Variants in RGS7BP observed in about 807,000 individuals in gnomAD.
RGS7BP encodes regulator of G protein signaling 7-binding protein.
In RGS7BP, 9 loss-of-function variants were observed where a neutral mutation model predicts 31.3. The ratio of observed to expected loss-of-function variants is 0.29; its 90% CI spans 0.17 to 0.50. RGS7BP has a LOEUF of 0.50. Ranked by LOEUF, RGS7BP falls within the 20% of genes least tolerant of loss-of-function variation. RGS7BP has a pLI of 0.98. For synonymous variants in RGS7BP, 115 were observed against 120.1 expected (o/e 0.96, Z 0.28); for missense variants, 274 against 322.0 (o/e 0.85, Z 1.14).
chr5:64,506,564 ACCGGGCCGCCCGCG>A lies in RGS7BP; in HGVS notation c.-55_-42del. The A allele has an allele frequency of 6.7e-7, 1 of 1,502,748 alleles. No homozygotes were observed. Among genetic ancestry groups the A allele is most frequent in the Non-Finnish European group, 9.0e-7 (1 of 1,107,506 alleles). The allele number at this position is 1,502,748 out of a possible 1,614,324, so 93.1% of individuals were successfully genotyped here. A position where few individuals can be genotyped will look rare whatever the true frequency, so the allele number is the denominator to read the frequency against. ...CTTGGCGGCGGCGCCCAGGGCAACA[ACCGGGCCGCCCGCG>A]CCGGGGCGCACTGCACCAGCGGCTT... On this transcript the variant is annotated 5_prime_UTR_variant, in exon 1 of 6. Coordinates refer to ENST00000334025, the MANE Select transcript of RGS7BP (RefSeq NM_001029875.3). This position sits in a 1 kb window ranked among gnomAD's most constrained non-coding sequence, Gnocchi z 4.6.
chr5:64,533,522 T>TG (rs1438347500), intron 2 of RGS7BP, among the ~76,000 whole-genome samples: 1 of 152,160 alleles, frequency 6.6e-6, no homozygotes, highest in Non-Finnish European at 1.5e-5. Flanking sequence ...TGGGACCACC[T>TG]GGGGGGTGGG....
intron 5 of RGS7BP, among the ~76,000 whole-genome samples, chr5:64,599,858 G>A (rs1033735122): frequency 6.6e-6 from 1 of 152,176 alleles, no homozygotes; most frequent in South Asian, 2.1e-4. Flanking sequence ...CCCTGCAAAG[G>A]GGATAATAGT....
rs978101473 is a variant in RGS7BP at position 64,507,828 on chromosome 5, G to A, written c.283G>A (p.Gly95Ser). 8 of 1,613,890 alleles carry A rather than the reference G, an allele frequency of 5.0e-6. No individual in the cohort carries two copies. Among genetic ancestry groups the A allele is most frequent in the Middle Eastern group, 1.6e-4 (1 of 6,082 alleles). The change falls in exon 2 of 6, where the codon GGC (glycine) becomes AGC (serine). Residue 95 changes from glycine (G) to serine (S), a missense_variant. Physicochemically the swap from Gly to Ser is moderately conservative, Grantham distance 56. Around this residue, in one of 3 missense-constraint regions of RGS7BP, gnomAD observed 149 missense variants for 152.6 expected, o/e 0.98. Transcript: ENST00000334025. ...GGAAATGCACAAGACAAGAACCAAA[G>A]GCTGTGAAATGGCCCGTCAGGCACA... is the stretch of plus-strand genomic sequence containing the variant. The part of the protein sequence containing the change: ...RAEMHKTRTK[G>S]CEMARQAHQK...
chr5:64,605,710 C>T lies in RGS7BP; in HGVS notation c.683-3451C>T, dbSNP rs115203845. 2.3e-3 allele frequency among the ~76,000 whole-genome samples: 352 copies of T among 152,068 alleles called. 2 individuals are homozygous for T. Among genetic ancestry groups the T allele is most frequent in the African/African-American group, 7.4e-3 (306 of 41,500 alleles). ...AGCTCTAAGCAAGGCAAAGGTCTCA[C>T]AAATGTGCAGCAAAGATGCCCCAAA... On this transcript the variant is annotated intron_variant, in intron 5 of 5. Transcript: ENST00000334025.
Position 64,575,711 on chromosome 5 carries a change from A to G in RGS7BP, c.333-63A>G. On this transcript the variant is annotated intron_variant, in intron 2 of 5. Transcript: ENST00000334025. Reference sequence around the variant, plus strand: ...AGCATTTTTCCCTCTCGGAGCTGAGACAAATGGCTGATGAGTGAAATCTTG... The same window carrying G: ...AGCATTTTTCCCTCTCGGAGCTGAGGCAAATGGCTGATGAGTGAAATCTTG... The G allele has an allele frequency of 2.6e-6, 4 of 1,543,912 alleles. No individual in the cohort carries two copies. In the South Asian group the frequency reaches 5.1e-5, roughly 20 times the overall value.
chr5:64,588,414 A>G (rs948839390), intron 3 of RGS7BP, among the ~76,000 whole-genome samples: 10 of 152,192 alleles, frequency 6.6e-5, no homozygotes, highest in African/African-American at 2.2e-4. Context: ...TCTTCAGCAA[A>G]GGGCAGACAT....
At chr5:64,538,615 G>A (rs1741447288) in intron 2 of RGS7BP, among the ~76,000 whole-genome samples, 2 of 120,996 alleles carry the variant, frequency 1.7e-5, no homozygotes, top group Admixed American at 2.1e-4. Flanking sequence ...GGAGTGCAGT[G>A]GCACGATCTC....
intron 3 of RGS7BP, among the ~76,000 whole-genome samples, chr5:64,578,202 A>G (rs559247968): frequency 1.3e-5 from 2 of 152,308 alleles, no homozygotes; most frequent in South Asian, 4.1e-4. Context: ...CTTCACTGTC[A>G]GTTTCTGCTC....
chr5:64,559,629 T>C (rs558003618), intron 2 of RGS7BP, among the ~76,000 whole-genome samples: 12 of 151,726 alleles, frequency 7.9e-5, no homozygotes, highest in South Asian at 2.1e-4. Context: ...CCAGGAATAA[T>C]GGAAGGGATC....
intron 2 of RGS7BP, among the ~76,000 whole-genome samples, chr5:64,540,864 G>A (rs1308248646): frequency 6.6e-6 from 1 of 152,140 alleles, no homozygotes; most frequent in African/African-American, 2.4e-5. Flanking sequence ...AGGCCAAGGG[G>A]AAGCCCCTGA....
chr5:64,572,043 T>A (rs1219485844), intron 2 of RGS7BP, among the ~76,000 whole-genome samples: 2 of 152,120 alleles, frequency 1.3e-5, no homozygotes, highest in Non-Finnish European at 2.9e-5. Flanking sequence ...GGGGTGACTC[T>A]CATAGACCTA....
intron 2 of RGS7BP, among the ~76,000 whole-genome samples, chr5:64,542,731 A>T (rs1386724593): frequency 1.3e-5 from 2 of 152,180 alleles, no homozygotes; most frequent in African/African-American, 4.8e-5. Context: ...TTTACATCTC[A>T]TCCAGCCCAA....
chr5:64,577,616 C>G (rs968167087), intron 3 of RGS7BP, among the ~76,000 whole-genome samples: 12 of 152,180 alleles, frequency 7.9e-5, no homozygotes, highest in African/African-American at 2.4e-4. Flanking sequence ...ATCTTTACTT[C>G]TGTTATTAAT....
At chr5:64,553,995 G>A (rs761889897) in intron 2 of RGS7BP, among the ~76,000 whole-genome samples, 2 of 152,070 alleles carry the variant, frequency 1.3e-5, no homozygotes, top group Non-Finnish European at 2.9e-5. Flanking sequence ...GATCATATGG[G>A]AGCAGGAATT....
chr5:64,556,387 TAAAA>T (rs11306593), intron 2 of RGS7BP, among the ~76,000 whole-genome samples: 1 of 81,304 alleles, frequency 1.2e-5, no homozygotes, highest in Non-Finnish European at 2.5e-5. Context: ...TCGTGATAAG[TAAAA>T]AAAAAAAAAA....
chr5:64,568,021 GTA>G (rs1299933756), intron 2 of RGS7BP, among the ~76,000 whole-genome samples: 1 of 151,932 alleles, frequency 6.6e-6, no homozygotes, highest in African/African-American at 2.4e-5. Flanking sequence ...GTGGAAACCT[GTA>G]TGTTTCTTTA....
chr5:64,520,797 G>A (rs1262578471), intron 2 of RGS7BP, among the ~76,000 whole-genome samples: 1 of 152,216 alleles, frequency 6.6e-6, no homozygotes, highest in African/African-American at 2.4e-5. Flanking sequence ...AGGGGGTGAG[G>A]GTGGGGAATG....
intron 2 of RGS7BP, among the ~76,000 whole-genome samples, chr5:64,528,004 T>A (rs1749275452): frequency 6.6e-6 from 1 of 152,236 alleles, no homozygotes; most frequent in Non-Finnish European, 1.5e-5. Flanking sequence ...ATCTCAAAAA[T>A]AATTATATCT....
intron 3 of RGS7BP, among the ~76,000 whole-genome samples, chr5:64,590,704 G>C (rs145701285): frequency 2.6e-5 from 4 of 152,172 alleles, no homozygotes; most frequent in African/African-American, 9.6e-5. Context: ...AGTGGAAAAA[G>C]TACAGTGAAG....
Sources: gnomAD v4.1 joint callset for allele counts (sites outside exome capture counted in the v4.1 genomes callset) on GRCh38, gnomAD v4.1.1 for gene constraint, gnomAD v4.1.1 regional missense constraint, Gnocchi (gnomAD v3.1) non-coding constraint, MANE v1.5 for transcripts, NCBI Gene and HGNC (gene_info 2026-07-23, HGNC 2026-07-21) for gene names.